The following NBAS variants were observed in gnomAD, a reference collection of about 807,000 sequenced individuals.
NBAS encodes NAG/BC035112 fusion.
A neutral mutation model predicts 302.5 loss-of-function variants in NBAS; 219 were observed. That is an observed-to-expected ratio of 0.72 (90% CI 0.65 to 0.81). The LOEUF (loss-of-function observed/expected upper bound fraction) is 0.81. Among genes scored for constraint, NBAS ranks in the 30% least tolerant of loss-of-function variants. The probability of loss-of-function intolerance (pLI) is 0.00; values close to 1 mark genes in which losing one functional copy is unlikely to be tolerated. For synonymous variants in NBAS, 1,118 were observed against 1,021.6 expected (o/e 1.09, Z -1.80); for missense variants, 2,932 against 2,841.6 (o/e 1.03, Z -0.72).
chr2:14,881,520 C>G, the NBAS span, among the ~76,000 whole-genome samples: 1 of 152,132 alleles, frequency 6.6e-6, no homozygotes, highest in African/African-American at 2.4e-5. Context: ...AAACAATTTT[C>G]AAAAAGAAAA....
At chr2:14,843,877 A>G in the NBAS span, among the ~76,000 whole-genome samples, 1 of 152,142 alleles carries the variant, frequency 6.6e-6, no homozygotes, top group African/African-American at 2.4e-5. Flanking sequence ...TATTTAAATC[A>G]GCCCTAGCCA....
chr2:14,817,909 T>G, the NBAS span, among the ~76,000 whole-genome samples: 1 of 152,164 alleles, frequency 6.6e-6, no homozygotes, highest in Non-Finnish European at 1.5e-5. Context: ...CTCCGGAGAC[T>G]AATTTCCTCA....
intron 6 of NBAS, among the ~76,000 whole-genome samples, chr2:15,548,861 T>G (rs1664240881): frequency 6.6e-6 from 1 of 152,032 alleles, no homozygotes; most frequent in Non-Finnish European, 1.5e-5. Flanking sequence ...CGTGAAGGCA[T>G]GAAGAACACA....
chr2:15,551,675 A>G (rs115563748), intron 5 of NBAS, 139 bp from the exon 6 acceptor site: 253 of 613,802 alleles, frequency 4.1e-4, no homozygotes, highest in African/African-American at 4.0e-3. Context: ...TTGTGGCTCA[A>G]TTATGACCCT....
the NBAS span, among the ~76,000 whole-genome samples, chr2:14,981,990 A>G: frequency 6.6e-6 from 1 of 152,130 alleles, no homozygotes; most frequent in Non-Finnish European, 1.5e-5. Context: ...TGCCGTAGTG[A>G]TTTTCTTGAA....
At chr2:15,307,949 C>T (rs1323265170) in intron 40 of NBAS, among the ~76,000 whole-genome samples, 1 of 152,038 alleles carries the variant, frequency 6.6e-6, no homozygotes, top group Admixed American at 6.6e-5. Flanking sequence ...TTAGCCATTC[C>T]TAAGAACTTA....
At chr2:15,332,677 G>T (rs1381487590) in intron 35 of NBAS, among the ~76,000 whole-genome samples, 3 of 151,602 alleles carry the variant, frequency 2.0e-5, no homozygotes, top group Non-Finnish European at 4.4e-5. Context: ...TATAAATAAA[G>T]AAAAAAACAT....
At chr2:14,824,238 C>A in the NBAS span, among the ~76,000 whole-genome samples, 113 of 152,170 alleles carry the variant, frequency 7.4e-4, no homozygotes, top group Non-Finnish European at 1.4e-3. Context: ...GACTGTGCAA[C>A]AAAATATTAC....
At chr2:15,083,551 C>T in the NBAS span, among the ~76,000 whole-genome samples, 9 of 152,336 alleles carry the variant, frequency 5.9e-5, no homozygotes, top group Middle Eastern at 3.4e-3. Context: ...CCCTCTTCTG[C>T]ATTTTTATTC....
At chr2:15,497,833 A>C (rs570045917) in intron 11 of NBAS, among the ~76,000 whole-genome samples, 2 of 152,304 alleles carry the variant, frequency 1.3e-5, no homozygotes, top group South Asian at 4.1e-4. Context: ...TCCTAGTAAC[A>C]CCTATGAGTA....
At chr2:15,013,613 T>C in the NBAS span, among the ~76,000 whole-genome samples, 1 of 152,012 alleles carries the variant, frequency 6.6e-6, no homozygotes, top group Admixed American at 6.5e-5. Context: ...ATGGACCCTG[T>C]CTCTACTAAA....
chr2:15,106,358 A>G, the NBAS span, among the ~76,000 whole-genome samples: 1 of 152,144 alleles, frequency 6.6e-6, no homozygotes, highest in African/African-American at 2.4e-5. Flanking sequence ...TAAATCACAG[A>G]GTAATGTGAC....
chr2:15,134,300 C>A, the NBAS span, among the ~76,000 whole-genome samples: 1 of 152,166 alleles, frequency 6.6e-6, no homozygotes, highest in Non-Finnish European at 1.5e-5. Context: ...CAGCAGTCTG[C>A]AACCTGGAGA....
chr2:14,999,900 C>T, the NBAS span, among the ~76,000 whole-genome samples: 3 of 152,124 alleles, frequency 2.0e-5, no homozygotes, highest in Admixed American at 1.3e-4. Flanking sequence ...ATCTGGAAAA[C>T]AGGGCTAACA....
the NBAS span, among the ~76,000 whole-genome samples, chr2:14,979,372 T>C: frequency 1.3e-3 from 201 of 152,340 alleles, no homozygotes; most frequent in African/African-American, 4.4e-3. Flanking sequence ...AAATGTTCTA[T>C]TTATCAGTGG....
intron 6 of NBAS, among the ~76,000 whole-genome samples, chr2:15,548,125 A>G (rs1664204573): frequency 6.6e-6 from 1 of 152,254 alleles, no homozygotes; most frequent in African/African-American, 2.4e-5. Context: ...TTAAACAAGA[A>G]ACAGGCAAAC....
the NBAS span, among the ~76,000 whole-genome samples, chr2:14,956,372 G>A: frequency 1.3e-5 from 2 of 152,130 alleles, no homozygotes; most frequent in Non-Finnish European, 2.9e-5. Flanking sequence ...TTTTCTGTCT[G>A]TCTTCTTCTG....
At chr2:15,151,640 G>A in the NBAS span, among the ~76,000 whole-genome samples, 1,073 of 152,254 alleles carry the variant, frequency 7.0e-3, 10 homozygotes, top group African/African-American at 0.023. Flanking sequence ...GTCTGGTATC[G>A]TAGAAACTCA....
At chr2:15,159,977 A>T in the NBAS span, among the ~76,000 whole-genome samples, 2 of 152,162 alleles carry the variant, frequency 1.3e-5, no homozygotes, top group Non-Finnish European at 2.9e-5. Context: ...GCATTTCAAA[A>T]ATCTAGCAAT....
Sources: allele counts gnomAD v4.1 joint callset (sites outside exome capture counted in the v4.1 genomes callset), GRCh38; gene constraint gnomAD v4.1.1; transcripts MANE v1.5; gene names NCBI Gene and HGNC (gene_info 2026-07-23, HGNC 2026-07-21).